Variants in INSYN2B observed in about 807,000 individuals in gnomAD.
INSYN2B encodes the protein inhibitory synaptic factor family member 2B.
INSYN2B carries 16 observed loss-of-function variants against 41.2 expected under a neutral mutation model. That is an observed-to-expected ratio of 0.39 (90% CI 0.26 to 0.59). INSYN2B has a LOEUF of 0.59. Among genes scored for constraint, INSYN2B ranks in the 20% least tolerant of loss-of-function variants. INSYN2B has a pLI of 0.57. For synonymous variants in INSYN2B, 245 were observed against 244.4 expected (o/e 1.00, Z -0.02); for missense variants, 608 against 646.4 (o/e 0.94, Z 0.64).
At position 169,882,809 on chromosome 5, in the gene INSYN2B, C is replaced by G. The variant is rs993625984; in HGVS notation, c.1090G>C (p.Glu364Gln). 6.4e-6 allele frequency: 10 copies of G among 1,551,398 alleles called. No homozygotes were observed. The South Asian group carries it at 8.3e-5, about 13-fold the overall frequency. Residue 364 changes from glutamate to glutamine, a missense_variant, in exon 2 of 4, where the codon GAG becomes CAG. Coordinates refer to ENST00000377365, the MANE Select transcript of INSYN2B (RefSeq NM_001129891.3). ...TTTGGAAACTCCAGTGTGTCTGACT[C>G]GGTGGGGTTGTTTGCCGTCTGCTCC... ...CQEQTANNPT[E>Q]SDTLEFPNCP...
At chr5:169,966,550 A>G (rs1009270023) in intron 1 of INSYN2B, among the ~76,000 whole-genome samples, 1 of 152,196 alleles carries the variant, frequency 6.6e-6, no homozygotes, top group East Asian at 1.9e-4. Flanking sequence ...CAATAATTGG[A>G]GGAGCTGGGA....
At chr5:169,929,461 G>A (rs936325726) in intron 1 of INSYN2B, among the ~76,000 whole-genome samples, 2 of 152,166 alleles carry the variant, frequency 1.3e-5, no homozygotes, top group Non-Finnish European at 2.9e-5. Context: ...CTGTGGCCAG[G>A]TGTGGTGGCT....
intron 1 of INSYN2B, among the ~76,000 whole-genome samples, chr5:169,949,029 T>C (rs1052858588): frequency 1.3e-5 from 2 of 152,166 alleles, no homozygotes; most frequent in African/African-American, 4.8e-5. Flanking sequence ...CCTCCCAACC[T>C]TAGAATCACC....
At chr5:169,892,784 T>A (rs1207551804) in intron 1 of INSYN2B, among the ~76,000 whole-genome samples, 1 of 152,202 alleles carries the variant, frequency 6.6e-6, no homozygotes, top group Non-Finnish European at 1.5e-5. Flanking sequence ...AGAGTGAACA[T>A]AACAAACATG....
At chr5:169,915,557 AACAC>A (rs56728646) in intron 1 of INSYN2B, among the ~76,000 whole-genome samples, 18,321 of 143,300 alleles carry the variant, frequency 0.13, 1,149 homozygotes, top group Middle Eastern at 0.18. Context: ...ATTGACAGGG[AACAC>A]ACACACACAC....
chr5:169,917,718 T>C (rs1774953886), intron 1 of INSYN2B, among the ~76,000 whole-genome samples: 1 of 152,120 alleles, frequency 6.6e-6, no homozygotes, highest in Non-Finnish European at 1.5e-5. Context: ...ACAGGGAAGA[T>C]AATTGAAGAT....
At chr5:169,875,230 C>T (rs1772251457) in intron 3 of INSYN2B, 2 of 456,550 alleles carry the variant, frequency 4.4e-6, no homozygotes, top group African/African-American at 4.0e-5. Flanking sequence ...TCCCAGGGAG[C>T]TTGCTGCAAC....
intron 1 of INSYN2B, among the ~76,000 whole-genome samples, chr5:169,971,427 CCT>C (rs1491211952): frequency 2.4e-5 from 2 of 84,982 alleles, no homozygotes; most frequent in African/African-American, 1.4e-4. Flanking sequence ...CCTCCTAGAG[CCT>C]TTTTTTTTTT....
At position 169,927,433 on chromosome 5, in the gene INSYN2B, A is replaced by C. The variant is rs1166020191; in HGVS notation, c.-918-42617T>G. Among the ~76,000 whole-genome samples the C allele has an allele frequency of 3.3e-5, 5 of 152,346 alleles. No homozygotes were observed. The South Asian group carries it at 6.2e-4, about 19-fold the overall frequency. ...TAAGTTTGCATGTGGTGCCGATGCT[A>C]CTGGGCCAGAGACCAGACTTTGAGA... On this transcript the variant is annotated intron_variant, in intron 1 of 3. Coordinates refer to ENST00000377365, the MANE Select transcript of INSYN2B (RefSeq NM_001129891.3).
At chr5:169,889,467 T>C (rs1198604522) in intron 1 of INSYN2B, among the ~76,000 whole-genome samples, 1 of 152,240 alleles carries the variant, frequency 6.6e-6, no homozygotes, top group Non-Finnish European at 1.5e-5. Flanking sequence ...CAACCTCATA[T>C]GGAATCTGTT....
At chr5:169,892,123 T>C (rs1773331551) in intron 1 of INSYN2B, among the ~76,000 whole-genome samples, 2 of 152,142 alleles carry the variant, frequency 1.3e-5, no homozygotes, top group Non-Finnish European at 2.9e-5. Context: ...AAAATCAGCC[T>C]TCCAAATCCA....
At chr5:169,873,839 A>G (rs1475945358) in intron 3 of INSYN2B, among the ~76,000 whole-genome samples, 1 of 152,188 alleles carries the variant, frequency 6.6e-6, no homozygotes, top group African/African-American at 2.4e-5. Context: ...TGTGACCTCA[A>G]GCGGCTCACA....
At chr5:169,924,480 AT>A (rs1246668848) in intron 1 of INSYN2B, among the ~76,000 whole-genome samples, 1 of 152,102 alleles carries the variant, frequency 6.6e-6, no homozygotes, top group East Asian at 1.9e-4. Context: ...GACTTTTCTC[AT>A]TTATTTGTTC....
In INSYN2B at chr5:169,882,662, G is replaced by A; in HGVS notation, c.1237C>T (p.Gln413Ter). ...TCCTCCACAGATTGCAGTCGGCCTT[G>A]GAGGTCGCAGAGTTCACCCCGTGCC... is the stretch of plus-strand genomic sequence containing the variant. ...HLARGELCDL[Q>*]GRLQSVEESL... The change falls in exon 2 of 4, where the codon CAA (glutamine) becomes TAA (stop). Residue 413 changes from glutamine to a stop codon, truncating the protein, a stop_gained. Transcript: ENST00000377365. LOFTEE classifies it high-confidence loss of function. 6.4e-7 allele frequency: 1 copy of A among 1,552,070 alleles called. No individual in the cohort carries two copies. Among genetic ancestry groups the A allele is most frequent in the Non-Finnish European group, 8.7e-7 (1 of 1,147,040 alleles).
intron 1 of INSYN2B, among the ~76,000 whole-genome samples, chr5:169,917,265 C>A (rs1774924347): frequency 6.6e-6 from 1 of 152,198 alleles, no homozygotes; most frequent in African/African-American, 2.4e-5. Context: ...TCCTAGTAGA[C>A]CAGGCCAATA....
At chr5:169,888,557 G>A (rs1466715086) in intron 1 of INSYN2B, among the ~76,000 whole-genome samples, 2 of 152,214 alleles carry the variant, frequency 1.3e-5, no homozygotes. Context: ...TCTGTAGGTT[G>A]CAAACTGTAG....
intron 1 of INSYN2B, among the ~76,000 whole-genome samples, chr5:169,911,882 G>T (rs1013429154): frequency 6.6e-6 from 1 of 152,164 alleles, no homozygotes; most frequent in African/African-American, 2.4e-5. Context: ...GAAAAATAAT[G>T]CCCCACTGTC....
At chr5:169,925,656 G>GA (rs1775408093) in intron 1 of INSYN2B, among the ~76,000 whole-genome samples, 1 of 149,046 alleles carries the variant, frequency 6.7e-6, no homozygotes, top group Non-Finnish European at 1.5e-5. Flanking sequence ...TTGGTTGTGT[G>GA]ACCTGTGGGA....
chr5:169,880,186 A>G lies in INSYN2B; in HGVS notation c.1421+1182T>C, dbSNP rs554235406. On this transcript the variant is annotated intron_variant, in intron 3 of 3. Transcript: ENST00000377365. ...AAAGGAAGACTTCACATTGAGGTGAAAGGCATTTATCTGTGAGCAGTCCTG... is the reference window on the plus strand; with the variant it reads ...AAAGGAAGACTTCACATTGAGGTGAGAGGCATTTATCTGTGAGCAGTCCTG... Among the ~76,000 whole-genome samples, 7 of 152,332 alleles carry G rather than the reference A, an allele frequency of 4.6e-5. No individual in the cohort carries two copies. In the East Asian group the frequency reaches 1.4e-3, roughly 29 times the overall value.
Sources: allele counts gnomAD v4.1 joint callset (sites outside exome capture counted in the v4.1 genomes callset), GRCh38; gene constraint gnomAD v4.1.1; transcripts MANE v1.5; gene names NCBI Gene and HGNC (gene_info 2026-07-23, HGNC 2026-07-21).